Variants in CALN1 observed in about 807,000 individuals in gnomAD.
The protein encoded by CALN1 is calcium-binding protein 8.
In CALN1, 17 loss-of-function variants were observed where a neutral mutation model predicts 30.6. The ratio of observed to expected loss-of-function variants is 0.56; its 90% confidence interval spans 0.38 to 0.83. The LOEUF is 0.83. CALN1 is among the 40% of genes least tolerant of loss of function. CALN1 has a pLI of 0.00. For missense variants in CALN1, 291 were observed against 354.9 expected, an observed-to-expected ratio of 0.82 and a Z score of 1.45; for synonymous variants, 156 against 131.4, an observed-to-expected ratio of 1.19 and a Z score of -1.28.
At chr7:72,209,781 A>G (rs1172437076) in intron 3 of CALN1, among the ~76,000 whole-genome samples, 3 of 152,106 alleles carry the variant, frequency 2.0e-5, no homozygotes, top group African/African-American at 7.2e-5. Flanking sequence ...TTTCAGAGAA[A>G]TGGAATCCTA....
At chr7:71,922,851 A>T (rs1795040418) in intron 5 of CALN1, among the ~76,000 whole-genome samples, 1 of 139,284 alleles carries the variant, frequency 7.2e-6, no homozygotes, top group Non-Finnish European at 1.5e-5. Flanking sequence ...ATAATATATA[A>T]TATACACAAT....
intron 5 of CALN1, among the ~76,000 whole-genome samples, chr7:71,854,343 AT>A (rs1269298963): frequency 6.6e-6 from 1 of 152,088 alleles, no homozygotes; most frequent in Admixed American, 6.6e-5. Flanking sequence ...CTCTAAAAAA[AT>A]AACAATAAAA....
chr7:72,031,774 C>T (rs112071073), intron 4 of CALN1, among the ~76,000 whole-genome samples: 4,741 of 143,078 alleles, frequency 0.033, 306 homozygotes, highest in African/African-American at 0.12. Context: ...CAGAAACTCG[C>T]TCTGTCATCC....
At chr7:72,271,102 G>C (rs1796942851) in intron 3 of CALN1, among the ~76,000 whole-genome samples, 3 of 152,126 alleles carry the variant, frequency 2.0e-5, no homozygotes, top group Admixed American at 2.0e-4. Context: ...TAATTTCCTG[G>C]GAAAAATCCC....
At position 71,837,188 on chromosome 7, in the gene CALN1, C is replaced by T. The variant is rs574797592; in HGVS notation, c.502-26696G>A. Among the ~76,000 whole-genome samples the T allele has an allele frequency of 4.2e-5, 6 of 143,246 alleles. No individual in the cohort carries two copies. The East Asian group carries it at 8.5e-4, about 20-fold the overall frequency. The allele number at this position is 143,246 out of a possible 152,430, so 94.0% of individuals were successfully genotyped here. A position where few individuals can be genotyped will look rare whatever the true frequency, so the allele number is the denominator to read the frequency against. On this transcript the variant is annotated intron_variant, in intron 5 of 6. Transcript: ENST00000395275. ...CAGAGGTTGCAGTGAGCTGAGATCA[C>T]GCCACTGCACTCCAGCCCGGGTGAC... is the stretch of plus-strand genomic sequence containing the variant.
intron 5 of CALN1, among the ~76,000 whole-genome samples, chr7:72,011,772 G>GT (rs1268799397): frequency 6.6e-6 from 1 of 152,078 alleles, no homozygotes; most frequent in Non-Finnish European, 1.5e-5. Context: ...AGCCTCCCAA[G>GT]TAGCTGGGAC....
At chr7:72,210,894 A>C (rs997525302) in intron 3 of CALN1, among the ~76,000 whole-genome samples, 1 of 151,764 alleles carries the variant, frequency 6.6e-6, no homozygotes, top group South Asian at 2.1e-4. Context: ...CCAGAAAAAA[A>C]TTAAAAAAAA....
chr7:72,430,458 G>A (rs1473655187), intron 1 of CALN1, among the ~76,000 whole-genome samples: 2 of 151,960 alleles, frequency 1.3e-5, no homozygotes, highest in Non-Finnish European at 2.9e-5. Context: ...AATTACTGAG[G>A]TGGCTGTTTA....
At chr7:72,304,660 C>T (rs1799526977) in intron 2 of CALN1, among the ~76,000 whole-genome samples, 2 of 151,972 alleles carry the variant, frequency 1.3e-5, no homozygotes, top group Admixed American at 1.3e-4. Flanking sequence ...TTATCCTATT[C>T]TTATATTACT....
At chr7:72,398,131 C>T (rs1806101809) in intron 2 of CALN1, among the ~76,000 whole-genome samples, 1 of 152,158 alleles carries the variant, frequency 6.6e-6, no homozygotes, top group African/African-American at 2.4e-5. Context: ...ATAAAGATGG[C>T]AAGCAAAGAG....
intron 3 of CALN1, among the ~76,000 whole-genome samples, chr7:72,148,094 A>C (rs1416295480): frequency 3.6e-5 from 5 of 137,838 alleles, no homozygotes; most frequent in African/African-American, 1.4e-4. Flanking sequence ...AGTATAATAA[A>C]AAAAAATAAA....
intron 1 of CALN1, among the ~76,000 whole-genome samples, chr7:72,417,505 C>G (rs1807460336): frequency 6.6e-6 from 1 of 152,238 alleles, no homozygotes; most frequent in Non-Finnish European, 1.5e-5. Context: ...ACCGTGGGCA[C>G]TTGCCACATA....
chr7:71,933,265 T>C lies in CALN1; in HGVS notation c.501+90392A>G, dbSNP rs189292055. ...TTTGCATAATAAGAGTAGGGTGAGG[T>C]GGCCAGGCTTCCCTGCGTGGTACGT... is the stretch of plus-strand genomic sequence containing the variant. On this transcript the variant is annotated intron_variant, in intron 5 of 6. Coordinates refer to ENST00000395275, the MANE Select transcript of CALN1 (RefSeq NM_031468.4). 7.2e-5 allele frequency among the ~76,000 whole-genome samples: 11 copies of C among 152,142 alleles called. No homozygotes were observed. In the East Asian group the frequency reaches 1.9e-3, roughly 27 times the overall value.
At chr7:72,392,549 G>A (rs1444677196) in intron 2 of CALN1, among the ~76,000 whole-genome samples, 1 of 152,162 alleles carries the variant, frequency 6.6e-6, no homozygotes, top group Non-Finnish European at 1.5e-5. Flanking sequence ...ACTGTGATGA[G>A]TAGAAATGAC....
upstream of CALN1, among the ~76,000 whole-genome samples, chr7:72,447,517 G>T (rs1343805857): frequency 6.6e-6 from 1 of 152,088 alleles, no homozygotes; most frequent in African/African-American, 2.4e-5. Context: ...GGGGGCATCG[G>T]TGACACCCTC....
intron 4 of CALN1, among the ~76,000 whole-genome samples, chr7:72,078,182 G>T: frequency 6.6e-6 from 1 of 152,124 alleles, no homozygotes; most frequent in East Asian, 1.9e-4. Context: ...TAAAATTTTT[G>T]AATAAATGTT....
chr7:72,114,402 C>G (rs1232308831), intron 3 of CALN1, among the ~76,000 whole-genome samples: 3 of 150,976 alleles, frequency 2.0e-5, no homozygotes, highest in African/African-American at 4.9e-5. Context: ...TTTGGCCACA[C>G]TGAGGATAGG....
At chr7:71,863,605 CA>C (rs1791427488) in intron 5 of CALN1, among the ~76,000 whole-genome samples, 1 of 107,784 alleles carries the variant, frequency 9.3e-6, no homozygotes, top group Non-Finnish European at 2.1e-5. Flanking sequence ...GAAATAACAA[CA>C]AAACACCCAT....
chr7:71,851,247 A>ACACACACG (rs936221327), intron 5 of CALN1, among the ~76,000 whole-genome samples: 4 of 150,324 alleles, frequency 2.7e-5, no homozygotes, highest in African/African-American at 1.0e-4. Context: ...ACACACACAC[A>ACACACACG]CACACATCAC....
Sources: allele counts gnomAD v4.1 joint callset (sites outside exome capture counted in the v4.1 genomes callset), GRCh38; gene constraint gnomAD v4.1.1; transcripts MANE v1.5; gene names NCBI Gene and HGNC (gene_info 2026-07-23, HGNC 2026-07-21).